PADI1: variants seen among roughly 807,000 people sequenced by gnomAD.
PADI1 encodes peptidyl arginine deiminase 1, also known as protein-arginine deiminase type-1.
Under a neutral mutation model 74.8 loss-of-function variants are expected in PADI1, and 65 were observed. The ratio of observed to expected loss-of-function variants is 0.87; its 90% CI spans 0.71 to 1.07. The LOEUF (loss-of-function observed/expected upper bound fraction) is 1.07, where lower values mean the gene tolerates loss of function less well. Ranked by LOEUF, PADI1 falls within the 50% of genes least tolerant of loss-of-function variation. The pLI is 0.00. For synonymous variants in PADI1, 371 were observed against 336.2 expected (o/e 1.10, Z -1.13); for missense variants, 943 against 854.0 (o/e 1.10, Z -1.30).
At chr1:17,238,504 TG>T in intron 12 of PADI1, 111 bp from the exon 13 acceptor site, 2 of 448,102 alleles carry the variant, frequency 4.5e-6, no homozygotes, top group South Asian at 7.6e-5. Context: ...GTAGACCGAG[TG>T]GGAGAGGGGA....
At chr1:17,212,915 G>T (rs1260435517) in intron 1 of PADI1, among the ~76,000 whole-genome samples, 2 of 152,196 alleles carry the variant, frequency 1.3e-5, no homozygotes, top group African/African-American at 2.4e-5. Context: ...TTCCTGCCTT[G>T]GTGCCGCCAC....
Position 17,230,659 on chromosome 1 carries a change from T to C in PADI1, c.1141T>C (p.Phe381Leu). The C allele has an allele frequency of 6.2e-7, 1 of 1,608,294 alleles. No individual in the cohort carries two copies. The highest frequency in any genetic ancestry group is 8.5e-7 in the Non-Finnish European group (1 of 1,175,578). The stretch of plus-strand genomic sequence containing the variant: ...CCCCAGGAACAGGGGCCTGAAAGAT[T>C]TCCCCTATAAGAGGATCCTGGTACG... ...DSPRNRGLKD[F>L]PYKRILGPDF... Residue 381 changes from phenylalanine to leucine, a missense_variant, in exon 10 of 16, where the codon TTC becomes CTC. Coordinates refer to ENST00000375471, the MANE Select transcript of PADI1 (RefSeq NM_013358.3).
At position 17,226,028 on chromosome 1, in the gene PADI1, T is replaced by C. The variant is rs754515748; in HGVS notation, c.527-5T>C. On this transcript the variant is annotated splice_region_variant and splice_polypyrimidine_tract_variant and intron_variant, in intron 5 of 15. Coordinates refer to ENST00000375471, the MANE Select transcript of PADI1 (RefSeq NM_013358.3). ...GGGCGATCTCAAGAGGGCCACTCTCTCCAGACCTGCAGGACATGTCCCCAA... is the reference window on the plus strand; with the variant it reads ...GGGCGATCTCAAGAGGGCCACTCTCCCCAGACCTGCAGGACATGTCCCCAA... The C allele has an allele frequency of 2.5e-6, 4 of 1,614,124 alleles. No individual in the cohort carries two copies. Among genetic ancestry groups the C allele is most frequent in the Non-Finnish European group, 3.4e-6 (4 of 1,180,002 alleles).
intron 7 of PADI1, 45 bp downstream of exon 7, chr1:17,228,842 G>C (rs1229020598): frequency 6.2e-7 from 1 of 1,607,376 alleles, no homozygotes; most frequent in South Asian, 1.1e-5. Context: ...GAGGGGTTTG[G>C]GGGCCCAGTT....
rs746035288 is a variant in PADI1, at chr1:17,230,145, G to C, written c.990G>C (p.Leu330Phe). Residue 330 changes from leucine (L) to phenylalanine (F), a missense_variant, in exon 9 of 16, where the codon TTG becomes TTC. Physicochemically the swap from Leu to Phe is conservative, Grantham distance 22. Transcript: ENST00000375471. ...TGGAGGACATGTCTTATCTGACATT[G>C]AAAGCCAACTGCAAGCTGACCATCT... ...KFLEDMSYLTLKANCKLTICP... is the reference protein window; with the variant it reads ...KFLEDMSYLTFKANCKLTICP... 1.2e-6 allele frequency: 2 copies of C among 1,614,062 alleles called. No homozygotes were observed. Among genetic ancestry groups the C allele is most frequent in the Non-Finnish European group, 1.7e-6 (2 of 1,180,024 alleles).
rs367957613 is a variant in PADI1, at chr1:17,223,671, C to T, written c.324C>T (p.Ser108=). 49 of 1,613,970 alleles carry T rather than the reference C, an allele frequency of 3.0e-5. No individual in the cohort carries two copies. Among genetic ancestry groups the T allele is most frequent in the South Asian group, 1.5e-4 (14 of 91,092 alleles). The part of the protein sequence containing the change: ...GEQEDQALGR[S]VLYLTGVDIS... ...AGGAAGACCAAGCTCTGGGCCGCAG[C>T]GTGCTTTACCTCACTGGCGTCGGTA... Residue 108 remains serine (S), a synonymous_variant, in exon 3 of 16, where the codon AGC becomes AGT. Transcript: ENST00000375471.
Position 17,205,271 on chromosome 1 carries a change from G to T in PADI1, c.54G>T (p.Val18=). 1 of 1,614,108 alleles carries T rather than the reference G, an allele frequency of 6.2e-7. No homozygotes were observed. The highest frequency in any genetic ancestry group is 1.1e-5 in the South Asian group (1 of 91,074). The change falls in exon 1 of 16, where the codon GTG becomes GTT. Residue 18 remains valine (V), a synonymous_variant. Coordinates refer to ENST00000375471, the MANE Select transcript of PADI1 (RefSeq NM_013358.3). The part of the protein sequence containing the change: ...QLSLKMPTHA[V]CVVGVEAHVD... ...CCCTGAAGATGCCTACCCATGCCGTGTGTGTGGTGGGAGTCGAGGCACATG... is the reference window on the plus strand; with the variant it reads ...CCCTGAAGATGCCTACCCATGCCGTTTGTGTGGTGGGAGTCGAGGCACATG...
Position 17,217,114 on chromosome 1 carries a change from G to A in PADI1, c.93-5176G>A, listed in dbSNP as rs144693226. On this transcript the variant is annotated intron_variant, in intron 1 of 15. Coordinates refer to ENST00000375471, the MANE Select transcript of PADI1 (RefSeq NM_013358.3). ...TAAGCCAGGTGCGCTGGGGCCAGCC[G>A]CACTCTGAAGAGTACCAGTGTAGGG... 6.6e-3 allele frequency among the ~76,000 whole-genome samples: 999 copies of A among 152,088 alleles called. 5 individuals are homozygous for A. The highest frequency in any genetic ancestry group is 0.023 in the African/African-American group (943 of 41,458).
intron 1 of PADI1, among the ~76,000 whole-genome samples, chr1:17,218,224 G>A (rs2072032279): frequency 1.3e-5 from 2 of 152,072 alleles, no homozygotes; most frequent in South Asian, 4.1e-4. Context: ...GTACTATATA[G>A]AATTTACAAC....
At chr1:17,226,366 T>C (rs940818165) in intron 6 of PADI1, among the ~76,000 whole-genome samples, 2 of 152,170 alleles carry the variant, frequency 1.3e-5, no homozygotes, top group African/African-American at 2.4e-5. Flanking sequence ...GAGGCTCAGA[T>C]GCAGGAATTC....
intron 6 of PADI1, among the ~76,000 whole-genome samples, chr1:17,227,086 A>G (rs1557467773): frequency 6.7e-6 from 1 of 150,272 alleles, no homozygotes; most frequent in Non-Finnish European, 1.5e-5. Context: ...AGTCCCAGCT[A>G]CTCGGGAGGT....
At chr1:17,209,969 C>T (rs1019369583) in intron 1 of PADI1, among the ~76,000 whole-genome samples, 5 of 152,098 alleles carry the variant, frequency 3.3e-5, no homozygotes, top group African/African-American at 9.6e-5. Flanking sequence ...TCCTGCACTC[C>T]TCTGCCCCCC....
chr1:17,222,479 C>A lies in PADI1; in HGVS notation c.273+9C>A, dbSNP rs776624696. ...AATTAAAGGACTTCAAGGTAAGAGGCCACTTTCTCATAGAAAAGGGTTGGA... is the reference window on the plus strand; with the variant it reads ...AATTAAAGGACTTCAAGGTAAGAGGACACTTTCTCATAGAAAAGGGTTGGA... On this transcript the variant is annotated intron_variant, in intron 2 of 15. Coordinates refer to ENST00000375471, the MANE Select transcript of PADI1 (RefSeq NM_013358.3). 5.6e-6 allele frequency: 9 copies of A among 1,604,880 alleles called. No homozygotes were observed.
intron 1 of PADI1, among the ~76,000 whole-genome samples, chr1:17,206,288 A>G (rs184665001): frequency 6.6e-6 from 1 of 152,084 alleles, no homozygotes; most frequent in African/African-American, 2.4e-5. Flanking sequence ...TGGTTAATGT[A>G]TGTGGGGCCC....
chr1:17,223,506 G>A, intron 2 of PADI1, 115 bp from the exon 3 acceptor site: 2 of 789,180 alleles, frequency 2.5e-6, no homozygotes, highest in Admixed American at 2.1e-5. Flanking sequence ...AGACTGGGGG[G>A]GTCTCCAGGC....
At chr1:17,214,494 A>G (rs1282209597) in intron 1 of PADI1, among the ~76,000 whole-genome samples, 1 of 151,958 alleles carries the variant, frequency 6.6e-6, no homozygotes, top group East Asian at 1.9e-4. Context: ...GGCCTTTTTT[A>G]TTTGGAGGGG....
chr1:17,229,203 TG>T, intron 8 of PADI1, 152 bp downstream of exon 8: 1 of 643,272 alleles, frequency 1.6e-6, no homozygotes, highest in Non-Finnish European at 2.7e-6. Flanking sequence ...GCAGGTGGGC[TG>T]GGGCCCCACC....
intron 12 of PADI1, among the ~76,000 whole-genome samples, chr1:17,237,868 A>G (rs78814298): frequency 0.025 from 3,863 of 152,246 alleles, 156 homozygotes; most frequent in African/African-American, 0.087. Flanking sequence ...GTGTCAGGAT[A>G]GGATTCAAAT....
chr1:17,205,458 A>G (rs2071659405), intron 1 of PADI1, 149 bp downstream of exon 1: 1 of 690,210 alleles, frequency 1.4e-6, no homozygotes, highest in Non-Finnish European at 2.6e-6. Context: ...GGAGTCTGGA[A>G]GGAAGGAACT....
Sources: allele counts gnomAD v4.1 joint callset (sites outside exome capture counted in the v4.1 genomes callset), GRCh38; gene constraint gnomAD v4.1.1; transcripts MANE v1.5; gene names NCBI Gene and HGNC (gene_info 2026-07-23, HGNC 2026-07-21).